The following CACNA2D3 variants were observed in gnomAD, a reference collection of about 807,000 sequenced individuals.
The protein encoded by CACNA2D3 is calcium voltage-gated channel auxiliary subunit alpha2delta 3.
A neutral mutation model predicts 160.6 loss-of-function variants in CACNA2D3; 60 were observed. That is an observed-to-expected ratio of 0.37 (90% confidence interval 0.30 to 0.46). The LOEUF is 0.46. Ranked by LOEUF, CACNA2D3 falls within the 20% of genes least tolerant of loss-of-function variation. The pLI, the probability that CACNA2D3 is intolerant of heterozygous loss-of-function variation, is 1.00. For missense variants in CACNA2D3, 1,205 were observed against 1,365.0 expected (o/e 0.88, Z 1.85); for synonymous variants, 558 against 492.9 (o/e 1.13, Z -1.75).
intron 2 of CACNA2D3, among the ~76,000 whole-genome samples, chr3:54,304,470 TTTGA>T (rs1354849189): frequency 5.9e-5 from 9 of 152,186 alleles, no homozygotes; most frequent in Non-Finnish European, 1.3e-4. Context: ...ATGACCTCAC[TTTGA>T]TTGTAAAAAA....
At chr3:54,812,958 C>A (rs1703357841) in intron 13 of CACNA2D3, among the ~76,000 whole-genome samples, 1 of 152,194 alleles carries the variant, frequency 6.6e-6, no homozygotes, top group African/African-American at 2.4e-5. Context: ...AGGAAAAAGT[C>A]CAATCAACAG....
intron 5 of CACNA2D3, among the ~76,000 whole-genome samples, chr3:54,560,383 T>G (rs1207573364): frequency 6.6e-6 from 1 of 152,258 alleles, no homozygotes; most frequent in Non-Finnish European, 1.5e-5. Context: ...ATGTATGCCT[T>G]CTTTTGAGAA....
intron 2 of CACNA2D3, among the ~76,000 whole-genome samples, chr3:54,173,615 A>C (rs1366737192): frequency 2.0e-5 from 3 of 152,238 alleles, no homozygotes; most frequent in Non-Finnish European, 2.9e-5. Flanking sequence ...GCACCTTGCT[A>C]ATAATTAGAG....
At chr3:54,731,516 A>T (rs905138441) in intron 11 of CACNA2D3, among the ~76,000 whole-genome samples, 1 of 152,126 alleles carries the variant, frequency 6.6e-6, no homozygotes, top group African/African-American at 2.4e-5. Flanking sequence ...TATTTACATC[A>T]TTGGCTCTCT....
intron 4 of CACNA2D3, among the ~76,000 whole-genome samples, chr3:54,479,199 GA>G (rs1700892402): frequency 6.6e-6 from 1 of 152,024 alleles, no homozygotes; most frequent in Admixed American, 6.6e-5. Context: ...GCAGCCATGT[GA>G]AGAAGGACAT....
intron 2 of CACNA2D3, among the ~76,000 whole-genome samples, chr3:54,132,039 G>A (rs1429808954): frequency 6.6e-6 from 1 of 152,192 alleles, no homozygotes; most frequent in African/African-American, 2.4e-5. Context: ...ATCTACAGTC[G>A]CGAGTCATAA....
chr3:54,513,057 A>G (rs184965226), intron 5 of CACNA2D3, among the ~76,000 whole-genome samples: 98 of 152,154 alleles, frequency 6.4e-4, no homozygotes, highest in African/African-American at 2.4e-3. Flanking sequence ...CCATGATTCA[A>G]TTTCCTCCCC....
In CACNA2D3 at chr3:54,386,774, G is replaced by A; in HGVS notation, c.381G>A (p.Gln127=). ...HLKHEFDADL[Q]YEYFNAVLIN... is the part of the protein sequence containing the mutation. ...AACATGAATTTGATGCAGACTTACA[G>A]GTAACTGATTATAGTTTGAGTTAAA... The change falls in exon 4 of 38, where the codon CAG becomes CAA. Residue 127 remains glutamine (Q), a splice_region_variant and synonymous_variant. Coordinates refer to ENST00000474759, the MANE Select transcript of CACNA2D3 (RefSeq NM_018398.3). 1.9e-6 allele frequency: 3 copies of A among 1,594,518 alleles called. No individual in the cohort carries two copies. Among genetic ancestry groups the A allele is most frequent in the South Asian group, 1.1e-5 (1 of 88,466 alleles).
intron 27 of CACNA2D3, chr3:54,924,674 T>C: frequency 6.2e-7 from 1 of 1,614,142 alleles, no homozygotes; most frequent in Non-Finnish European, 8.5e-7. Context: ...GGCAATTGCA[T>C]TTCCAGAGGT....
chr3:54,790,740 A>G (rs545943481), intron 13 of CACNA2D3, among the ~76,000 whole-genome samples: 59 of 152,278 alleles, frequency 3.9e-4, no homozygotes, highest in Non-Finnish European at 5.0e-4. Context: ...GAGCCTGATC[A>G]TGCTTGAGCC....
At chr3:54,244,182 A>G (rs989390964) in intron 2 of CACNA2D3, among the ~76,000 whole-genome samples, 1 of 152,134 alleles carries the variant, frequency 6.6e-6, no homozygotes, top group African/African-American at 2.4e-5. Flanking sequence ...GTCTCCTCCC[A>G]CTTTCTTTTG....
chr3:54,345,526 G>T (rs893156912), intron 3 of CACNA2D3, among the ~76,000 whole-genome samples: 2 of 152,138 alleles, frequency 1.3e-5, no homozygotes, highest in East Asian at 1.9e-4. Context: ...TCCATGACCT[G>T]CAAGGCTTTC....
chr3:54,442,048 ATCC>A (rs1251912316), intron 4 of CACNA2D3, among the ~76,000 whole-genome samples: 2 of 152,184 alleles, frequency 1.3e-5, no homozygotes, highest in Admixed American at 1.3e-4. Context: ...GGTTCAAGCA[ATCC>A]TCCTGCCTCT....
chr3:54,196,246 A>C (rs1701078292), intron 2 of CACNA2D3, among the ~76,000 whole-genome samples: 1 of 152,260 alleles, frequency 6.6e-6, no homozygotes, highest in South Asian at 2.1e-4. Flanking sequence ...GATTTTAAAA[A>C]ATATTATATG....
intron 14 of CACNA2D3, among the ~76,000 whole-genome samples, chr3:54,818,271 C>T (rs974220561): frequency 6.6e-6 from 1 of 152,214 alleles, no homozygotes; most frequent in Non-Finnish European, 1.5e-5. Flanking sequence ...GCAATCTCCA[C>T]CTCCCGGGTT....
intron 35 of CACNA2D3, among the ~76,000 whole-genome samples, chr3:55,045,302 G>A (rs957585298): frequency 1.3e-5 from 2 of 152,206 alleles, no homozygotes; most frequent in African/African-American, 2.4e-5. Flanking sequence ...CACCCACCTC[G>A]GCCTCCCAAA....
intron 4 of CACNA2D3, among the ~76,000 whole-genome samples, chr3:54,500,557 C>T (rs1037911154): frequency 4.8e-5 from 7 of 146,830 alleles, no homozygotes; most frequent in Admixed American, 2.8e-4. Flanking sequence ...TCCTTCCTTT[C>T]TCTCTCTTTC....
chr3:54,641,460 A>G (rs1699518530), intron 10 of CACNA2D3, among the ~76,000 whole-genome samples: 2 of 152,226 alleles, frequency 1.3e-5, no homozygotes, highest in South Asian at 4.1e-4. Context: ...CAGAGAGAAT[A>G]GATGGCAAAT....
intron 3 of CACNA2D3, among the ~76,000 whole-genome samples, chr3:54,325,093 G>C (rs148793163): frequency 2.6e-5 from 4 of 152,156 alleles, no homozygotes; most frequent in Non-Finnish European, 4.4e-5. Context: ...TTAAAATCCA[G>C]CCCTTCAGGG....
Sources: gnomAD v4.1 joint callset for allele counts (sites outside exome capture counted in the v4.1 genomes callset) on GRCh38, gnomAD v4.1.1 for gene constraint, MANE v1.5 for transcripts, NCBI Gene and HGNC (gene_info 2026-07-23, HGNC 2026-07-21) for gene names.